Variants in VWC2 observed in about 807,000 individuals in gnomAD.
VWC2 encodes the protein von Willebrand factor C domain containing 2, also known as brorin.
VWC2 carries 14 observed loss-of-function variants against 29.8 expected under a neutral mutation model. The ratio of observed to expected loss-of-function variants is 0.47; its 90% confidence interval spans 0.31 to 0.74. The LOEUF is 0.74. Ranked by LOEUF, VWC2 falls within the 30% of genes least tolerant of loss-of-function variation. The pLI, the probability that VWC2 is intolerant of heterozygous loss-of-function variation, is 0.05. For synonymous variants in VWC2, 213 were observed against 199.0 expected (o/e 1.07, Z -0.59); for missense variants, 457 against 459.8 (o/e 0.99, Z 0.05).
chr7:49,775,363 C>G lies in VWC2; in HGVS notation c.-73C>G, dbSNP rs979354099. On this transcript the variant is annotated 5_prime_UTR_variant, in exon 2 of 4. Coordinates refer to ENST00000340652, the MANE Select transcript of VWC2 (RefSeq NM_198570.5). ...GCGGCTCCCGGCTGGCGGCGGCGCG[C>G]CCCCGGGCTGTGAATGCGACTCGCC... 1.6e-6 allele frequency: 2 copies of G among 1,243,762 alleles called. No individual in the cohort carries two copies. The highest frequency in any genetic ancestry group is 8.4e-5 in the Admixed American group (2 of 23,752). The allele number at this position is 1,243,762 out of a possible 1,614,324, so 77.0% of individuals were successfully genotyped here. A position where few individuals can be genotyped will look rare whatever the true frequency, so the allele number is the denominator to read the frequency against.
chr7:49,796,075 T>C (rs998038199), intron 2 of VWC2, among the ~76,000 whole-genome samples: 2 of 152,200 alleles, frequency 1.3e-5, no homozygotes, highest in Non-Finnish European at 2.9e-5. Context: ...TCTTATTTTG[T>C]ATCATTGCAG....
intron 3 of VWC2, among the ~76,000 whole-genome samples, chr7:49,902,747 T>C (rs1454961548): frequency 1.3e-5 from 2 of 151,986 alleles, no homozygotes; most frequent in Non-Finnish European, 2.9e-5. Context: ...AGATAGAAAA[T>C]TGATGCATTT....
In VWC2 at chr7:49,773,984, CT is replaced by C. The variant is rs1421405075; in HGVS notation, c.-232del. On this transcript the variant is annotated 5_prime_UTR_variant, in exon 1 of 4. Coordinates refer to ENST00000340652, the MANE Select transcript of VWC2 (RefSeq NM_198570.5). ...GGCGGAGCGCGCAGGTGGGGCTGGG[CT>C]GTTAGTGGTCCGCCCCACGCGGGTC... is the stretch of plus-strand genomic sequence containing the variant. The C allele has an allele frequency of 5.9e-5, 9 of 151,970 alleles. No individual in the cohort carries two copies. Among genetic ancestry groups the C allele is most frequent in the African/African-American group, 1.9e-4 (8 of 41,414 alleles). The allele number at this position is 151,970 out of a possible 1,614,324, so 9.4% of individuals were successfully genotyped here. A position where few individuals can be genotyped will look rare whatever the true frequency, so the allele number is the denominator to read the frequency against.
intron 3 of VWC2, among the ~76,000 whole-genome samples, chr7:49,867,406 C>T (rs746303394): frequency 1.3e-5 from 2 of 152,060 alleles, no homozygotes; most frequent in African/African-American, 4.8e-5. Flanking sequence ...ATCTGGAGGA[C>T]GAAGTAAGGG....
intron 3 of VWC2, among the ~76,000 whole-genome samples, chr7:49,818,650 G>A (rs141527153): frequency 1.3e-5 from 2 of 151,728 alleles, no homozygotes; most frequent in East Asian, 1.9e-4. Flanking sequence ...ACCTGCTGCC[G>A]GGGCCATCTG....
chr7:49,841,100 A>G (rs1267653619), intron 3 of VWC2, among the ~76,000 whole-genome samples: 9 of 152,196 alleles, frequency 5.9e-5, no homozygotes, highest in Admixed American at 4.6e-4. Context: ...TTCTGTCTGA[A>G]TTATGAGACA....
intron 3 of VWC2, among the ~76,000 whole-genome samples, chr7:49,893,256 A>G (rs1170191120): frequency 3.3e-5 from 5 of 152,176 alleles, no homozygotes; most frequent in African/African-American, 1.2e-4. Context: ...AGGTTCCACG[A>G]ATCTAGAATA....
intron 3 of VWC2, among the ~76,000 whole-genome samples, chr7:49,888,958 C>T (rs78710587): frequency 1.4e-4 from 21 of 152,166 alleles, no homozygotes; most frequent in African/African-American, 4.8e-4. Context: ...AAGTGTACCT[C>T]AGCAGACATA....
At chr7:49,901,567 T>C (rs1792727693) in intron 3 of VWC2, among the ~76,000 whole-genome samples, 1 of 151,636 alleles carries the variant, frequency 6.6e-6, no homozygotes, top group Non-Finnish European at 1.5e-5. Flanking sequence ...AATATATAAA[T>C]AGAGAGATGT....
chr7:49,799,631 T>A (rs1415499947), intron 2 of VWC2, among the ~76,000 whole-genome samples: 2 of 152,226 alleles, frequency 1.3e-5, no homozygotes, highest in Admixed American at 6.5e-5. Context: ...TCAACTCTGA[T>A]TTTTTAGAAG....
At chr7:49,831,458 A>G (rs528568371) in intron 3 of VWC2, among the ~76,000 whole-genome samples, 1 of 152,368 alleles carries the variant, frequency 6.6e-6, no homozygotes, top group East Asian at 1.9e-4. Context: ...GAGAAATATT[A>G]TGATACTTGA....
intron 3 of VWC2, among the ~76,000 whole-genome samples, chr7:49,845,273 C>T (rs997319458): frequency 2.0e-4 from 31 of 151,390 alleles, no homozygotes; most frequent in African/African-American, 7.6e-4. Context: ...CACATGTACC[C>T]TGGAACTTAA....
chr7:49,800,998 A>G (rs1028993630), intron 2 of VWC2, among the ~76,000 whole-genome samples: 2 of 152,168 alleles, frequency 1.3e-5, no homozygotes, highest in Admixed American at 6.5e-5. Context: ...AGGCTACACT[A>G]AAGTTTTTCA....
intron 2 of VWC2, among the ~76,000 whole-genome samples, chr7:49,787,489 G>C (rs561552652): frequency 5.3e-5 from 8 of 152,168 alleles, no homozygotes; most frequent in Non-Finnish European, 1.2e-4. Flanking sequence ...TGGTGACACT[G>C]TGGCATTGTT....
chr7:49,778,600 T>A (rs1194053010), intron 2 of VWC2, among the ~76,000 whole-genome samples: 1 of 152,262 alleles, frequency 6.6e-6, no homozygotes, highest in Non-Finnish European at 1.5e-5. Context: ...TCCATTTTTG[T>A]TTCCTTCAAT....
intron 3 of VWC2, among the ~76,000 whole-genome samples, chr7:49,851,154 G>T (rs1028598224): frequency 6.6e-6 from 1 of 152,158 alleles, no homozygotes; most frequent in African/African-American, 2.4e-5. Context: ...GGTTTTAGAG[G>T]CTTCACTGCA....
At position 49,786,325 on chromosome 7, in the gene VWC2, T is replaced by C. The variant is rs1788296486; in HGVS notation, c.696+10194T>C. ...CAAAGGACATCATTCCATTCTTTTT[T>C]ATGACTATGTAGTATTCCATGGTGT... is the stretch of plus-strand genomic sequence containing the variant. On this transcript the variant is annotated intron_variant, in intron 2 of 3. Transcript: ENST00000340652. 3.3e-5 allele frequency among the ~76,000 whole-genome samples: 5 copies of C among 152,256 alleles called. No individual in the cohort carries two copies. The South Asian group carries it at 1.0e-3, about 31-fold the overall frequency.
intron 3 of VWC2, among the ~76,000 whole-genome samples, chr7:49,883,831 A>C (rs898155584): frequency 6.6e-6 from 1 of 152,238 alleles, no homozygotes; most frequent in East Asian, 1.9e-4. Context: ...ATTCATAGAC[A>C]TACCCTAGTG....
At chr7:49,833,961 T>G (rs1363010148) in intron 3 of VWC2, among the ~76,000 whole-genome samples, 1 of 152,166 alleles carries the variant, frequency 6.6e-6, no homozygotes, top group Non-Finnish European at 1.5e-5. Context: ...CCAAAGCAGA[T>G]AAAGTTTTGC....
Sources: allele counts gnomAD v4.1 joint callset (sites outside exome capture counted in the v4.1 genomes callset), GRCh38; gene constraint gnomAD v4.1.1; transcripts MANE v1.5; gene names NCBI Gene and HGNC (gene_info 2026-07-23, HGNC 2026-07-21).